ATP5MG: variants seen among roughly 807,000 people sequenced by gnomAD.
The protein encoded by ATP5MG is ATP synthase membrane subunit g.
Under a neutral mutation model 12.7 loss-of-function variants are expected in ATP5MG, and 7 were observed. That is an observed-to-expected ratio of 0.55 (90% CI 0.31 to 1.04). The LOEUF is 1.04. Ranked by LOEUF, ATP5MG falls within the 50% of genes least tolerant of loss-of-function variation. The probability of loss-of-function intolerance (pLI) is 0.05; values close to 1 mark genes in which losing one functional copy is unlikely to be tolerated. For synonymous variants in ATP5MG, 53 were observed against 48.2 expected, an observed-to-expected ratio of 1.10 and a Z score of -0.41; for missense variants, 116 against 126.7, an observed-to-expected ratio of 0.92 and a Z score of 0.41.
chr11:118,407,494 T>C, intron 2 of ATP5MG: 1 of 171,556 alleles, frequency 5.8e-6, no homozygotes, highest in Non-Finnish European at 1.3e-5. Context: ...GTCAGGAAGC[T>C]AACACTTCTT....
chr11:118,404,450 G>T (rs1306041629), intron 1 of ATP5MG, among the ~76,000 whole-genome samples: 1 of 152,122 alleles, frequency 6.6e-6, no homozygotes, highest in Admixed American at 6.5e-5. Flanking sequence ...TCCTGACCTT[G>T]ACAGTTTTAA....
chr11:118,404,334 AATC>A (rs1948954980), intron 1 of ATP5MG, among the ~76,000 whole-genome samples: 1 of 152,112 alleles, frequency 6.6e-6, no homozygotes, highest in East Asian at 1.9e-4. Flanking sequence ...TTTTTCCAAT[AATC>A]TTTCAGTTCC....
In ATP5MG at chr11:118,401,787, A is replaced by G. The variant is rs868935019; in HGVS notation, c.52+70A>G. The G allele has an allele frequency of 7.0e-6, 11 of 1,565,692 alleles. No individual in the cohort carries two copies. In the African/African-American group the frequency reaches 9.5e-5, roughly 14 times the overall value. ...GGAGGCCTGCGATGGCCTGAGAGGA[A>G]GAAGCGGGCTGCGAAGACCCGAGGG... is the stretch of plus-strand genomic sequence containing the variant. On this transcript the variant is annotated intron_variant, in intron 1 of 2. Coordinates refer to ENST00000300688, the MANE Select transcript of ATP5MG (RefSeq NM_006476.5).
At chr11:118,405,886 A>G (rs956721030) in intron 1 of ATP5MG, among the ~76,000 whole-genome samples, 2 of 152,148 alleles carry the variant, frequency 1.3e-5, no homozygotes, top group Admixed American at 6.5e-5. Flanking sequence ...TTTTTGAAAC[A>G]GAGTCTCATT....
At chr11:118,403,670 A>G (rs1351528516) in intron 1 of ATP5MG, among the ~76,000 whole-genome samples, 1 of 147,510 alleles carries the variant, frequency 6.8e-6, no homozygotes, top group African/African-American at 2.5e-5. Flanking sequence ...GCAGGCGCCT[A>G]TAATCCCAGC....
In ATP5MG at chr11:118,409,086, C is replaced by T; in HGVS notation, c.300C>T (p.Gly100=). 2 of 1,606,208 alleles carry T rather than the reference C, an allele frequency of 1.2e-6. No homozygotes were observed. The highest frequency in any genetic ancestry group is 1.1e-5 in the South Asian group (1 of 90,316). ...GEIIGKRGII[G]YDV is the part of the protein sequence containing the mutation. Reference sequence around the variant, plus strand: ...TTATAGGCAAGCGGGGCATCATTGGCTATGATGTTTGAAGACCAATCTTTA... The same window carrying T: ...TTATAGGCAAGCGGGGCATCATTGGTTATGATGTTTGAAGACCAATCTTTA... Residue 100 remains glycine, a synonymous_variant, in exon 3 of 3, where the codon GGC becomes GGT. Coordinates refer to ENST00000300688, the MANE Select transcript of ATP5MG (RefSeq NM_006476.5).
intron 2 of ATP5MG, 199 bp downstream of exon 2, chr11:118,407,296 T>A: frequency 1.2e-6 from 1 of 819,094 alleles, no homozygotes; most frequent in Non-Finnish European, 1.8e-6. Context: ...CCATTTTATG[T>A]CTTAGTTTCC....
intron 1 of ATP5MG, 50 bp downstream of exon 1, chr11:118,401,767 C>T (rs1555131125): frequency 6.3e-7 from 1 of 1,593,130 alleles, no homozygotes; most frequent in Admixed American, 1.7e-5. Context: ...GGCAGGGAGG[C>T]CTGCGATGGC....
intron 1 of ATP5MG, chr11:118,405,531 T>C (rs7483081): frequency 0.14 from 68,551 of 481,458 alleles, 6,063 homozygotes; most frequent in East Asian, 0.5. Context: ...ACCTAAAATA[T>C]TGTTTATGTA....
intron 1 of ATP5MG, among the ~76,000 whole-genome samples, chr11:118,404,470 G>A (rs1948956158): frequency 1.3e-5 from 2 of 152,066 alleles, no homozygotes; most frequent in South Asian, 4.2e-4. Context: ...AGGTATCTAG[G>A]TATCTTGTCT....
chr11:118,408,930 AATATAT>A, intron 2 of ATP5MG, 64 bp from the exon 3 acceptor site: 6 of 411,616 alleles, frequency 1.5e-5, no homozygotes, highest in South Asian at 6.4e-5. Flanking sequence ...AATAGTTTCA[AATATAT>A]ATATATATAT....
intron 2 of ATP5MG, 63 bp downstream of exon 2, chr11:118,407,160 C>T: frequency 6.3e-7 from 1 of 1,598,544 alleles, no homozygotes; most frequent in Non-Finnish European, 8.5e-7. Context: ...TGGGATTTTT[C>T]TGATTGTTTT....
chr11:118,402,045 G>A (rs1948932284), intron 1 of ATP5MG: 2 of 345,410 alleles, frequency 5.8e-6, no homozygotes, highest in Non-Finnish European at 1.1e-5. Context: ...GGATCTAGAG[G>A]GGATGGTTCT....
At chr11:118,402,231 C>T (rs1948934237) in intron 1 of ATP5MG, among the ~76,000 whole-genome samples, 1 of 152,104 alleles carries the variant, frequency 6.6e-6, no homozygotes, top group South Asian at 2.1e-4. Context: ...TAAGATACTT[C>T]CGCTTTAATC....
chr11:118,405,729 C>G (rs1948966529), intron 1 of ATP5MG: 9 of 983,752 alleles, frequency 9.1e-6, no homozygotes, highest in African/African-American at 1.7e-5. Context: ...TATCCCCAAA[C>G]ACAGAAGATG....
rs1555132623 is a variant in ATP5MG at position 118,409,084 on chromosome 11, G to C, written c.298G>C (p.Gly100Arg). The change falls in exon 3 of 3, where the codon GGC becomes CGC. Residue 100 changes from glycine to arginine, a missense_variant. Gly to Arg is a moderately radical substitution (Grantham distance 125, BLOSUM62 -2). Coordinates refer to ENST00000300688, the MANE Select transcript of ATP5MG (RefSeq NM_006476.5). ...GEIIGKRGII[G>R]YDV is the part of the protein sequence containing the mutation. ...GATTATAGGCAAGCGGGGCATCATT[G>C]GCTATGATGTTTGAAGACCAATCTT... The C allele has an allele frequency of 6.8e-6, 11 of 1,607,030 alleles. No homozygotes were observed. The highest frequency in any genetic ancestry group is 9.4e-6 in the Non-Finnish European group (11 of 1,176,294).
In ATP5MG at chr11:118,402,353, G is replaced by A. The variant is rs60287275; in HGVS notation, c.52+636G>A. On this transcript the variant is annotated intron_variant, in intron 1 of 2. Coordinates refer to ENST00000300688, the MANE Select transcript of ATP5MG (RefSeq NM_006476.5). ...CTTTGTTACGAAGCTTAGCATTCGT[G>A]GAATTTTTTCAGCTTGAAGAGCCTC... Among the ~76,000 whole-genome samples the A allele has an allele frequency of 9.5e-3, 1,451 of 152,114 alleles. 21 individuals are homozygous for A. Among genetic ancestry groups the A allele is most frequent in the African/African-American group, 0.033 (1,383 of 41,482 alleles).
rs1447650004 is a variant in ATP5MG at position 118,406,885 on chromosome 11, G to A, written c.53-52G>A. On this transcript the variant is annotated intron_variant, in intron 1 of 2. Transcript: ENST00000300688. ...CCAGCCCACACATCTGCTTCTTTCG[G>A]TCTCTAGTGAGTTCATCCTGGTTTT... 66 of 1,545,680 alleles carry A rather than the reference G, an allele frequency of 4.3e-5. 3 individuals are homozygous for A. The highest frequency in any genetic ancestry group is 5.0e-5 in the Non-Finnish European group (57 of 1,146,804).
chr11:118,405,010 G>A (rs1555131857), intron 1 of ATP5MG, among the ~76,000 whole-genome samples: 5 of 152,032 alleles, frequency 3.3e-5, no homozygotes, highest in Non-Finnish European at 5.9e-5. Context: ...TTGACATACC[G>A]CCTCCCTTTC....
Sources: gnomAD v4.1 joint callset for allele counts (sites outside exome capture counted in the v4.1 genomes callset) on GRCh38, gnomAD v4.1.1 for gene constraint, MANE v1.5 for transcripts, NCBI Gene and HGNC (gene_info 2026-07-23, HGNC 2026-07-21) for gene names.